Variants in HS3ST5 observed in about 807,000 individuals in gnomAD.
The protein encoded by HS3ST5 is heparan sulfate glucosamine 3-O-sulfotransferase 5.
Under a neutral mutation model 25.4 loss-of-function variants are expected in HS3ST5, and 10 were observed. The ratio of observed to expected loss-of-function variants is 0.39; its 90% CI spans 0.24 to 0.67. HS3ST5 has a LOEUF of 0.67. Ranked by LOEUF, HS3ST5 falls within the 30% of genes least tolerant of loss-of-function variation. The probability of loss-of-function intolerance (pLI) is 0.44; values close to 1 mark genes in which losing one functional copy is unlikely to be tolerated. For missense variants in HS3ST5, 324 were observed against 420.7 expected, an observed-to-expected ratio of 0.77 and a Z score of 2.01; for synonymous variants, 170 against 162.4, an observed-to-expected ratio of 1.05 and a Z score of -0.36.
chr6:114,129,164 T>G (rs1460767229), intron 3 of HS3ST5, among the ~76,000 whole-genome samples: 1 of 152,022 alleles, frequency 6.6e-6, no homozygotes, highest in African/African-American at 2.4e-5. Context: ...ACATCATTGG[T>G]ATATTGGTCT....
At chr6:114,154,268 T>A in intron 3 of HS3ST5, among the ~76,000 whole-genome samples, 1 of 151,906 alleles carries the variant, frequency 6.6e-6, no homozygotes, top group Non-Finnish European at 1.5e-5. Context: ...GAAGGCGAGG[T>A]GAGTGAAAGC....
rs930311878 is a variant in HS3ST5, at chr6:114,192,336, G to T, written c.-144-23874C>A. ...CATTTAATCTTCTTAATAACTATAA[G>T]ATATAGATACCTATCATCCCATTTC... On this transcript the variant is annotated intron_variant, in intron 2 of 4. Coordinates refer to ENST00000312719, the MANE Select transcript of HS3ST5 (RefSeq NM_153612.4). Among the ~76,000 whole-genome samples the T allele has an allele frequency of 5.9e-5, 9 of 152,242 alleles. No individual in the cohort carries two copies. The South Asian group carries it at 1.9e-3, about 32-fold the overall frequency.
intron 2 of HS3ST5, among the ~76,000 whole-genome samples, chr6:114,218,662 G>C (rs915415466): frequency 6.6e-6 from 1 of 152,136 alleles, no homozygotes; most frequent in African/African-American, 2.4e-5. Context: ...ATAGCCTAAA[G>C]AAATGAAAAA....
At chr6:114,085,905 A>G (rs919680213) in intron 3 of HS3ST5, among the ~76,000 whole-genome samples, 3 of 139,718 alleles carry the variant, frequency 2.1e-5, no homozygotes, top group African/African-American at 8.1e-5. Context: ...TATTTTATTC[A>G]TTTTCTCTTA....
At chr6:114,096,066 A>T (rs1775408084) in intron 3 of HS3ST5, among the ~76,000 whole-genome samples, 1 of 152,122 alleles carries the variant, frequency 6.6e-6, no homozygotes, top group South Asian at 2.1e-4. Context: ...TTAAGATTCC[A>T]TGGATGTATT....
At chr6:114,074,622 T>C (rs931409323) in intron 3 of HS3ST5, among the ~76,000 whole-genome samples, 1 of 152,180 alleles carries the variant, frequency 6.6e-6, no homozygotes, top group Non-Finnish European at 1.5e-5. Context: ...TTTCTTTCTC[T>C]TTTTGACTTT....
chr6:114,205,531 T>C (rs1010222895), intron 2 of HS3ST5, among the ~76,000 whole-genome samples: 11 of 152,164 alleles, frequency 7.2e-5, no homozygotes, highest in African/African-American at 2.4e-4. Context: ...TTAATTGAAG[T>C]TACATTTCAT....
chr6:114,178,199 G>T (rs1188792068), intron 2 of HS3ST5, among the ~76,000 whole-genome samples: 1 of 151,946 alleles, frequency 6.6e-6, no homozygotes, highest in Non-Finnish European at 1.5e-5. Flanking sequence ...GGAAAATCAG[G>T]CATATTTCTA....
intron 3 of HS3ST5, among the ~76,000 whole-genome samples, chr6:114,160,313 A>C (rs1412287478): frequency 6.6e-6 from 1 of 151,992 alleles, no homozygotes; most frequent in Non-Finnish European, 1.5e-5. Flanking sequence ...TAGACATTGA[A>C]TGGAGAACGA....
chr6:114,272,661 G>A (rs1204607933), intron 1 of HS3ST5, among the ~76,000 whole-genome samples: 1 of 152,060 alleles, frequency 6.6e-6, no homozygotes. Flanking sequence ...CTTCAGCCCA[G>A]GATCCACGTG....
intron 2 of HS3ST5, among the ~76,000 whole-genome samples, chr6:114,214,900 A>C (rs1186258421): frequency 2.6e-5 from 4 of 152,108 alleles, no homozygotes; most frequent in African/African-American, 9.7e-5. Flanking sequence ...CTACCAATAG[A>C]CCTCATGTAT....
intron 2 of HS3ST5, among the ~76,000 whole-genome samples, chr6:114,211,439 G>A (rs947309369): frequency 6.6e-6 from 1 of 152,042 alleles, no homozygotes; most frequent in Non-Finnish European, 1.5e-5. Flanking sequence ...GAGAGCCACT[G>A]GTTCCTATGA....
At chr6:114,235,361 T>A (rs1267109224) in intron 1 of HS3ST5, among the ~76,000 whole-genome samples, 1 of 150,886 alleles carries the variant, frequency 6.6e-6, no homozygotes, top group Non-Finnish European at 1.5e-5. Context: ...ACAAAAGAAA[T>A]AATATTGTAT....
At chr6:114,232,985 A>G (rs1356791476) in intron 1 of HS3ST5, among the ~76,000 whole-genome samples, 1 of 152,128 alleles carries the variant, frequency 6.6e-6, no homozygotes, top group Non-Finnish European at 1.5e-5. Context: ...AAGAAAGATA[A>G]CACTTTACTG....
intron 3 of HS3ST5, among the ~76,000 whole-genome samples, chr6:114,072,713 C>T (rs1773892619): frequency 6.6e-6 from 1 of 152,168 alleles, no homozygotes; most frequent in Non-Finnish European, 1.5e-5. Context: ...AATGGCCATA[C>T]TGCCCAAGGT....
chr6:114,285,284 C>G (rs1774289952), intron 1 of HS3ST5, among the ~76,000 whole-genome samples: 1 of 151,744 alleles, frequency 6.6e-6, no homozygotes, highest in Non-Finnish European at 1.5e-5. Flanking sequence ...ACACTGGGGC[C>G]TATTGGAGGA....
At chr6:114,204,317 T>C (rs2114389807) in intron 2 of HS3ST5, among the ~76,000 whole-genome samples, 1 of 152,304 alleles carries the variant, frequency 6.6e-6, no homozygotes. Context: ...ATGCCACACT[T>C]TGAGGTATCA....
intron 2 of HS3ST5, among the ~76,000 whole-genome samples, chr6:114,213,534 G>A (rs1163727283): frequency 6.6e-6 from 1 of 151,990 alleles, no homozygotes; most frequent in Non-Finnish European, 1.5e-5. Context: ...TTTCTCCCAG[G>A]TACAGTATTG....
chr6:114,279,615 C>T (rs949986503), intron 1 of HS3ST5, among the ~76,000 whole-genome samples: 4 of 151,994 alleles, frequency 2.6e-5, no homozygotes, highest in Non-Finnish European at 5.9e-5. Flanking sequence ...AGGCTGTCCC[C>T]ATTTTATTGC....
Sources: allele counts gnomAD v4.1 joint callset (sites outside exome capture counted in the v4.1 genomes callset), GRCh38; gene constraint gnomAD v4.1.1; transcripts MANE v1.5; gene names NCBI Gene and HGNC (gene_info 2026-07-23, HGNC 2026-07-21).